The following CSF1R variants were observed in gnomAD, a reference collection of about 807,000 sequenced individuals.
CSF1R encodes the protein macrophage colony-stimulating factor 1 receptor.
In CSF1R, 40 loss-of-function variants were observed where a neutral mutation model predicts 110.0. The observed-to-expected ratio is 0.36, with a 90% CI of 0.28 to 0.47. CSF1R has a LOEUF of 0.47. Among genes scored for constraint, CSF1R ranks in the 20% least tolerant of loss-of-function variants. The pLI is 0.99. For missense variants in CSF1R, 1,052 were observed against 1,253.0 expected (o/e 0.84, Z 2.42); for synonymous variants, 523 against 503.4 (o/e 1.04, Z -0.52).
chr5:150,053,914 C>T lies in CSF1R; in HGVS notation c.*155G>A. 1 of 763,052 alleles carries T rather than the reference C, an allele frequency of 1.3e-6. No individual in the cohort carries two copies. The highest frequency in any genetic ancestry group is 1.7e-5 in the African/African-American group (1 of 58,138). The allele number at this position is 763,052 out of a possible 1,614,324, so 47.3% of individuals were successfully genotyped here. ...TCAGGAAGTGGGATCCTCTGACCTCCCCTGAATCCCTCACCTTCCCAAGTT... is the reference window on the plus strand; with the variant it reads ...TCAGGAAGTGGGATCCTCTGACCTCTCCTGAATCCCTCACCTTCCCAAGTT... On this transcript the variant is annotated 3_prime_UTR_variant, in exon 21 of 21. Coordinates refer to ENST00000675795, the MANE Select transcript of CSF1R (RefSeq NM_001288705.3).
chr5:150,064,006 C>T (rs983422751), intron 10 of CSF1R, among the ~76,000 whole-genome samples: 3 of 152,196 alleles, frequency 2.0e-5, no homozygotes, highest in African/African-American at 4.8e-5. Flanking sequence ...TTTGCAGCAA[C>T]GTGGTGCAGC....
At chr5:150,102,216 C>T (rs1759424025) in intron 1 of CSF1R, among the ~76,000 whole-genome samples, 5 of 152,084 alleles carry the variant, frequency 3.3e-5, no homozygotes, top group Admixed American at 3.3e-4. Context: ...TAAATTGTTC[C>T]CCTAAGAAGG....
Position 150,054,026 on chromosome 5 carries a change from A to C in CSF1R, c.*43T>G, listed in dbSNP as rs753357944. 1 of 1,596,768 alleles carries C rather than the reference A, an allele frequency of 6.3e-7. No homozygotes were observed. Among genetic ancestry groups the C allele is most frequent in the South Asian group, 1.1e-5 (1 of 89,570 alleles). ...TGTCGCCCCATCCATGGAGGAGTTG[A>C]AGTTTGTGGGAGGGGAGAGTGGTAC... On this transcript the variant is annotated 3_prime_UTR_variant, in exon 21 of 21. Transcript: ENST00000675795.
In CSF1R at chr5:150,054,442, G is replaced by T. The variant is rs374036888; in HGVS notation, c.2655-12C>A. The stretch of plus-strand genomic sequence containing the variant: ...GCATGATGCTGTATCTGGGAGATAG[G>T]ACAGAGGATGCCCATGGGCAGCTCC... On this transcript the variant is annotated splice_polypyrimidine_tract_variant and intron_variant, in intron 19 of 20. Coordinates refer to ENST00000675795, the MANE Select transcript of CSF1R (RefSeq NM_001288705.3). 1.2e-5 allele frequency: 19 copies of T among 1,602,936 alleles called. No individual in the cohort carries two copies. The highest frequency in any genetic ancestry group is 1.6e-5 in the Non-Finnish European group (19 of 1,173,678).
chr5:150,081,097 T>G (rs1395920559), intron 1 of CSF1R, 73 bp from the exon 2 acceptor site: 11 of 1,551,088 alleles, frequency 7.1e-6, no homozygotes, highest in Non-Finnish European at 9.7e-6. Context: ...GACTCTGAGA[T>G]GGGTGGTAGC....
At chr5:150,056,178 C>A in intron 17 of CSF1R, 41 bp from the exon 18 acceptor site, 1 of 1,614,182 alleles carries the variant, frequency 6.2e-7, no homozygotes, top group Middle Eastern at 1.6e-4. Context: ...CCCGACTCTT[C>A]ACCCCCTCCC....
Position 150,055,435 on chromosome 5 carries a change from T to A in CSF1R, c.2555-99A>T, listed in dbSNP as rs1757161387. 3.2e-6 allele frequency: 3 copies of A among 949,040 alleles called. No individual in the cohort carries two copies. The African/African-American group carries it at 4.8e-5, about 15-fold the overall frequency. The allele number at this position is 949,040 out of a possible 1,614,324, so 58.8% of individuals were successfully genotyped here. On this transcript the variant is annotated intron_variant, in intron 18 of 20. Coordinates refer to ENST00000675795, the MANE Select transcript of CSF1R (RefSeq NM_001288705.3). Reference sequence around the variant, plus strand: ...TAGACTGGGTTTAAAGGGTCCCACTTGACAACACTGCAACAGCAGCTACTC... The same window carrying A: ...TAGACTGGGTTTAAAGGGTCCCACTAGACAACACTGCAACAGCAGCTACTC...
Position 150,073,297 on chromosome 5 carries a change from G to T in CSF1R, c.1082+4C>A. 6.2e-7 allele frequency: 1 copy of T among 1,611,494 alleles called. No homozygotes were observed. The highest frequency in any genetic ancestry group is 8.5e-7 in the Non-Finnish European group (1 of 1,178,354). On this transcript the variant is annotated splice_donor_region_variant and intron_variant, in intron 6 of 20. Transcript: ENST00000675795. ...CTGTGTAGACGGGAGCTGATAAGTGGTACCTGTATGTGTCCTTGGTGGTAG... is the reference window on the plus strand; with the variant it reads ...CTGTGTAGACGGGAGCTGATAAGTGTTACCTGTATGTGTCCTTGGTGGTAG...
chr5:150,074,028 T>C (rs776164268), intron 5 of CSF1R, among the ~76,000 whole-genome samples: 1 of 152,200 alleles, frequency 6.6e-6, no homozygotes, highest in Non-Finnish European at 1.5e-5. Flanking sequence ...TTCCATGATT[T>C]TTGTTAAGAC....
chr5:150,092,666 G>A (rs560111256), intron 1 of CSF1R, among the ~76,000 whole-genome samples: 10 of 152,292 alleles, frequency 6.6e-5, no homozygotes, highest in African/African-American at 2.2e-4. Context: ...ATCAGATCTC[G>A]TGAGACTTAA....
chr5:150,061,647 C>T, intron 11 of CSF1R, 52 bp from the exon 12 acceptor site: 1 of 1,614,106 alleles, frequency 6.2e-7, no homozygotes, highest in Non-Finnish European at 8.5e-7. Flanking sequence ...GGCCTCTGTC[C>T]AAGGGCCCAT....
Position 150,080,864 on chromosome 5 carries a change from G to A in CSF1R, c.210C>T (p.Ser70=), listed in dbSNP as rs774030906. 6.2e-7 allele frequency: 1 copy of A among 1,614,180 alleles called. No homozygotes were observed. The highest frequency in any genetic ancestry group is 1.3e-5 in the African/African-American group (1 of 75,042). The change falls in exon 2 of 21, where the codon AGC becomes AGT. Residue 70 remains serine (S), a synonymous_variant. Coordinates refer to ENST00000675795, the MANE Select transcript of CSF1R (RefSeq NM_001288705.3). ...LYSDGSSSIL[S]TNNATFQNTG... ...TGTTTTGGAAGGTAGCGTTGTTGGT[G>A]CTGAGGATGCTGCTGGAGCCATCAG...
chr5:150,074,977 G>C (rs952152979), intron 5 of CSF1R, among the ~76,000 whole-genome samples: 1 of 152,074 alleles, frequency 6.6e-6, no homozygotes, highest in Admixed American at 6.5e-5. Flanking sequence ...TTTCATTATA[G>C]AGGCCCCTTT....
intron 5 of CSF1R, among the ~76,000 whole-genome samples, chr5:150,073,995 ATCCATGAG>A (rs1413046405): frequency 6.6e-6 from 1 of 152,152 alleles, no homozygotes; most frequent in East Asian, 1.9e-4. Flanking sequence ...GTTACCATGA[ATCCATGAG>A]TCCATAACAC....
At chr5:150,096,702 A>G (rs867075636) in intron 1 of CSF1R, among the ~76,000 whole-genome samples, 5 of 152,344 alleles carry the variant, frequency 3.3e-5, no homozygotes, top group Admixed American at 6.5e-5. Flanking sequence ...CAAGCACTAT[A>G]ATTTACCATA....
Position 150,053,969 on chromosome 5 carries a change from T to G in CSF1R, c.*100A>C. 8.0e-7 allele frequency: 1 copy of G among 1,242,372 alleles called. No individual in the cohort carries two copies. Among genetic ancestry groups the G allele is most frequent in the Non-Finnish European group, 1.1e-6 (1 of 875,516 alleles). 77.0% of individuals were successfully genotyped at this position (1,242,372 alleles called of 1,614,324 possible). A position where few individuals can be genotyped will look rare whatever the true frequency, so the allele number is the denominator to read the frequency against. ...AGCTGGGCCGAGCTGTTGAGTGAAA[T>G]GACCGAAGGCAGAGTTTGTATGTTC... On this transcript the variant is annotated 3_prime_UTR_variant, in exon 21 of 21. Transcript: ENST00000675795.
At chr5:150,061,441 CCAGCATCTA>C in intron 12 of CSF1R, 41 bp downstream of exon 12, 2 of 904,452 alleles carry the variant, frequency 2.2e-6, no homozygotes, top group Non-Finnish European at 1.6e-6. Context: ...CAGCCCACCC[CCAGCATCTA>C]CCACCCCCCA....
In CSF1R at chr5:150,057,540, C is replaced by G. The variant is rs139061724; in HGVS notation, c.2185G>C (p.Val729Leu). ...AAGGAGTCATTTGAAGAAGTGGAGACAGGCCTCATCTCCACATAGGTGTCC... is the reference window on the plus strand; with the variant it reads ...AAGGAGTCATTTGAAGAAGTGGAGAGAGGCCTCATCTCCACATAGGTGTCC... ...GVDTYVEMRP[V>L]STSSNDSFSE... The change falls in exon 15 of 21, where the codon GTC becomes CTC. Residue 729 changes from valine (V) to leucine (L), a missense_variant. By Grantham distance (32) the Val-to-Leu change is conservative. This residue lies in a region of CSF1R where 124 missense variants were observed against 117.7 expected (regional missense o/e 1.05). Transcript: ENST00000675795. 1.2e-6 allele frequency: 2 copies of G among 1,614,152 alleles called. No homozygotes were observed. The highest frequency in any genetic ancestry group is 1.7e-6 in the Non-Finnish European group (2 of 1,180,048).
intron 1 of CSF1R, 27 bp downstream of exon 1, chr5:150,086,352 G>C (rs372667308): frequency 1.3e-6 from 2 of 1,587,324 alleles, no homozygotes; most frequent in African/African-American, 1.3e-5. Context: ...CCCCAACAAA[G>C]TCCCCCACCC....
Sources: allele counts gnomAD v4.1 joint callset (sites outside exome capture counted in the v4.1 genomes callset), GRCh38; gene constraint gnomAD v4.1.1; regional missense constraint gnomAD v4.1.1; transcripts MANE v1.5; gene names NCBI Gene and HGNC (gene_info 2026-07-23, HGNC 2026-07-21).